AUTS2: variants seen among roughly 807,000 people sequenced by gnomAD.
AUTS2 encodes the protein autism susceptibility gene 2 protein.
A neutral mutation model predicts 112.4 loss-of-function variants in AUTS2; 17 were observed. The ratio of observed to expected loss-of-function variants is 0.15; its 90% CI spans 0.10 to 0.23. AUTS2 has a LOEUF of 0.23. Ranked by LOEUF, AUTS2 falls within the 10% of genes least tolerant of loss-of-function variation. The pLI, the probability that AUTS2 is intolerant of heterozygous loss-of-function variation, is 1.00. For synonymous variants in AUTS2, 751 were observed against 702.7 expected, an observed-to-expected ratio of 1.07 and a Z score of -1.09; for missense variants, 1,510 against 1,701.6, an observed-to-expected ratio of 0.89 and a Z score of 1.98.
chr7:70,440,554 T>A (rs957030584), intron 5 of AUTS2, among the ~76,000 whole-genome samples: 1 of 152,152 alleles, frequency 6.6e-6, no homozygotes, highest in African/African-American at 2.4e-5. Flanking sequence ...AGCATCCTCT[T>A]TGGAAAGCTG....
At chr7:70,630,964 T>G (rs890343522) in intron 5 of AUTS2, among the ~76,000 whole-genome samples, 1 of 152,184 alleles carries the variant, frequency 6.6e-6, no homozygotes, top group African/African-American at 2.4e-5. Flanking sequence ...CCTGAGACTT[T>G]AAAGGAAAAT....
intron 1 of AUTS2, among the ~76,000 whole-genome samples, chr7:69,715,485 T>A (rs896520242): frequency 2.6e-5 from 4 of 152,150 alleles, no homozygotes; most frequent in African/African-American, 7.2e-5. Context: ...ACAGGGAAGG[T>A]GAAGCCTGAG....
chr7:70,254,748 A>C (rs905937029), intron 4 of AUTS2, among the ~76,000 whole-genome samples: 12 of 152,212 alleles, frequency 7.9e-5, no homozygotes, highest in African/African-American at 2.2e-4. Context: ...GTAATATCTT[A>C]TGTAGCAGAG....
intron 1 of AUTS2, among the ~76,000 whole-genome samples, chr7:69,611,540 G>GCACATTTTAAACACATA (rs1793032474): frequency 6.6e-6 from 1 of 152,178 alleles, no homozygotes; most frequent in South Asian, 2.1e-4. Flanking sequence ...TCCAGAAATG[G>GCACATTTTAAACACATA]TTCCTGTGTT....
At chr7:70,255,288 G>A (rs1355875567) in intron 4 of AUTS2, among the ~76,000 whole-genome samples, 1 of 151,788 alleles carries the variant, frequency 6.6e-6, no homozygotes, top group South Asian at 2.1e-4. Context: ...TGGTCAGGCT[G>A]GTCTCGAACT....
chr7:69,623,363 C>T (rs891308619), intron 1 of AUTS2, among the ~76,000 whole-genome samples: 14 of 150,410 alleles, frequency 9.3e-5, no homozygotes, highest in Non-Finnish European at 1.8e-4. Flanking sequence ...GCTGGGACTA[C>T]CACCACCACG....
chr7:69,718,687 T>A (rs554818925), intron 1 of AUTS2, among the ~76,000 whole-genome samples: 70 of 152,292 alleles, frequency 4.6e-4, no homozygotes, highest in Admixed American at 8.5e-4. Context: ...CCCTTTGCTA[T>A]GTGTAGTAAC....
At chr7:70,274,061 C>G (rs1412200163) in intron 4 of AUTS2, among the ~76,000 whole-genome samples, 5 of 152,090 alleles carry the variant, frequency 3.3e-5, no homozygotes, top group Admixed American at 6.6e-5. Flanking sequence ...TTGCTTTCCT[C>G]TCTTTTGATG....
chr7:70,169,476 C>T (rs1808559417), intron 4 of AUTS2, among the ~76,000 whole-genome samples: 1 of 152,112 alleles, frequency 6.6e-6, no homozygotes, highest in South Asian at 2.1e-4. Flanking sequence ...CTCCCGACCT[C>T]ATGATCTGCC....
intron 6 of AUTS2, among the ~76,000 whole-genome samples, chr7:70,709,985 C>G (rs1585549060): frequency 6.6e-6 from 1 of 152,142 alleles, no homozygotes; most frequent in Non-Finnish European, 1.5e-5. Flanking sequence ...ACAGTGGCTA[C>G]AATTTGAATA....
At chr7:70,701,458 G>A (rs747017604) in intron 6 of AUTS2, among the ~76,000 whole-genome samples, 1 of 152,208 alleles carries the variant, frequency 6.6e-6, no homozygotes, top group African/African-American at 2.4e-5. Context: ...TTGGGAAGGG[G>A]CAGGGGTTGA....
chr7:69,914,245 T>C (rs1659399546), intron 2 of AUTS2, among the ~76,000 whole-genome samples: 1 of 151,782 alleles, frequency 6.6e-6, no homozygotes, highest in Admixed American at 6.6e-5. Flanking sequence ...AGTTGAGTGG[T>C]TTGAATAATT....
intron 1 of AUTS2, among the ~76,000 whole-genome samples, chr7:69,798,863 C>T (rs573878939): frequency 6.6e-6 from 1 of 151,964 alleles, no homozygotes; most frequent in Non-Finnish European, 1.5e-5. Flanking sequence ...TGATGGTGCA[C>T]GCCTGTAGTC....
At chr7:70,498,924 T>C (rs1437957898) in intron 5 of AUTS2, among the ~76,000 whole-genome samples, 1 of 152,088 alleles carries the variant, frequency 6.6e-6, no homozygotes, top group Non-Finnish European at 1.5e-5. Flanking sequence ...CTCAGGGCAG[T>C]GAAGAGACGC....
intron 4 of AUTS2, among the ~76,000 whole-genome samples, chr7:70,432,221 G>C (rs1795701041): frequency 6.6e-6 from 1 of 152,140 alleles, no homozygotes; most frequent in Non-Finnish European, 1.5e-5. Context: ...AAATCCGCTG[G>C]GACGCCGTCT....
chr7:70,280,257 A>G (rs956904937), intron 4 of AUTS2, among the ~76,000 whole-genome samples: 38 of 151,578 alleles, frequency 2.5e-4, no homozygotes, highest in African/African-American at 7.7e-4. Flanking sequence ...AAGTGAGGGA[A>G]ACTTTTTTTT....
intron 2 of AUTS2, among the ~76,000 whole-genome samples, chr7:69,926,258 C>G (rs562795050): frequency 6.6e-6 from 1 of 152,096 alleles, no homozygotes; most frequent in Non-Finnish European, 1.5e-5. Flanking sequence ...ATATTGATGT[C>G]TCTGGCTATA....
intron 5 of AUTS2, among the ~76,000 whole-genome samples, chr7:70,496,923 TAC>T (rs1389092609): frequency 1.2e-5 from 1 of 84,766 alleles, no homozygotes; most frequent in Non-Finnish European, 2.3e-5. Flanking sequence ...ACACACCACG[TAC>T]ACAGTCACAC....
intron 5 of AUTS2, among the ~76,000 whole-genome samples, chr7:70,470,782 T>G (rs1014344146): frequency 1.3e-5 from 2 of 152,150 alleles, no homozygotes; most frequent in African/African-American, 4.8e-5. Flanking sequence ...CAGCAGCATC[T>G]GAACTGGTTC....
Sources: allele counts gnomAD v4.1 joint callset (sites outside exome capture counted in the v4.1 genomes callset), GRCh38; gene constraint gnomAD v4.1.1; transcripts MANE v1.5; gene names NCBI Gene and HGNC (gene_info 2026-07-23, HGNC 2026-07-21).